The following AFF3 variants were observed in gnomAD, a reference collection of about 807,000 sequenced individuals.
AFF3 encodes ALF transcription elongation factor 3, also known as AF4/FMR2 family member 3.
AFF3 carries 32 observed loss-of-function variants against 129.7 expected under a neutral mutation model. The ratio of observed to expected loss-of-function variants is 0.25; its 90% confidence interval spans 0.19 to 0.33. The LOEUF is 0.33. AFF3 is among the 10% of genes least tolerant of loss of function. The pLI, the probability that AFF3 is intolerant of heterozygous loss-of-function variation, is 1.00. For synonymous variants in AFF3, 644 were observed against 635.4 expected (o/e 1.01, Z -0.20); for missense variants, 1,373 against 1,592.0 (o/e 0.86, Z 2.34).
chr2:100,011,396 G>C, intron 4 of AFF3: 1 of 767,954 alleles, frequency 1.3e-6, no homozygotes, highest in Non-Finnish European at 2.4e-6. Flanking sequence ...ACACAAGACT[G>C]GTGTGATGCA....
At chr2:99,967,380 G>A (rs1307417822) in intron 7 of AFF3, among the ~76,000 whole-genome samples, 2 of 151,494 alleles carry the variant, frequency 1.3e-5, no homozygotes, top group Non-Finnish European at 2.9e-5. Flanking sequence ...GGCTTCCAAT[G>A]CCTGCCTGAC....
intron 11 of AFF3, among the ~76,000 whole-genome samples, chr2:99,681,249 A>G (rs1254980157): frequency 6.6e-6 from 1 of 152,198 alleles, no homozygotes; most frequent in Non-Finnish European, 1.5e-5. Context: ...TAGTTTGTTC[A>G]TTAATATAAG....
intron 7 of AFF3, among the ~76,000 whole-genome samples, chr2:99,868,524 A>G (rs1576231328): frequency 2.0e-5 from 3 of 152,240 alleles, no homozygotes; most frequent in Middle Eastern, 3.4e-3. Context: ...TCTTGCTATA[A>G]AAGTTCTGGA....
Position 99,554,706 on chromosome 2 carries a change from T to C in AFF3, c.3312A>G (p.Pro1104=). The C allele has an allele frequency of 5.6e-6, 9 of 1,614,144 alleles. No individual in the cohort carries two copies. The highest frequency in any genetic ancestry group is 7.6e-6 in the Non-Finnish European group (9 of 1,180,010). ...FKNSSKAAQA[P]SPWGASGKST... ...ACTTTCCACTGGCCCCCCACGGAGA[T>C]GGGGCTTGGGCGGCTTTAGATGAGT... Residue 1104 remains proline, a synonymous_variant, in exon 23 of 25, where the codon CCA becomes CCG. Transcript: ENST00000672756.
At chr2:99,703,163 T>C (rs1413591412) in intron 11 of AFF3, among the ~76,000 whole-genome samples, 2 of 152,218 alleles carry the variant, frequency 1.3e-5, no homozygotes, top group Admixed American at 1.3e-4. Flanking sequence ...GCTGTGTTCC[T>C]TCTGAGGCCT....
At chr2:99,555,641 T>C (rs1277680455) in intron 22 of AFF3, among the ~76,000 whole-genome samples, 1 of 152,236 alleles carries the variant, frequency 6.6e-6, no homozygotes, top group African/African-American at 2.4e-5. Flanking sequence ...TTCATAGGAC[T>C]GTTAAGGGAG....
At chr2:99,847,008 C>T (rs1411264029) in intron 7 of AFF3, among the ~76,000 whole-genome samples, 1 of 152,108 alleles carries the variant, frequency 6.6e-6, no homozygotes, top group Non-Finnish European at 1.5e-5. Flanking sequence ...TCAGCCAGAG[C>T]ACAGGAGAGA....
chr2:99,757,853 C>T (rs538976754), intron 8 of AFF3, among the ~76,000 whole-genome samples: 1 of 152,338 alleles, frequency 6.6e-6, no homozygotes, highest in South Asian at 2.1e-4. Flanking sequence ...TTTGGCCAAA[C>T]CAAGCCACCG....
At chr2:99,841,429 G>A (rs1235909413) in intron 7 of AFF3, among the ~76,000 whole-genome samples, 1 of 152,210 alleles carries the variant, frequency 6.6e-6, no homozygotes, top group Non-Finnish European at 1.5e-5. Context: ...CCTTTGTAAA[G>A]CTAAGGAGGC....
chr2:99,798,830 C>T (rs1007596345), intron 8 of AFF3, among the ~76,000 whole-genome samples: 1 of 151,940 alleles, frequency 6.6e-6, no homozygotes, highest in Admixed American at 6.6e-5. Context: ...GAGAAATAGA[C>T]AGTCCCTTAA....
At chr2:100,014,139 C>T (rs1158172652) in intron 4 of AFF3, among the ~76,000 whole-genome samples, 1 of 150,952 alleles carries the variant, frequency 6.6e-6, no homozygotes. Flanking sequence ...GCACTCGCTC[C>T]AAGCAAACTG....
chr2:99,660,282 A>C (rs900076176), intron 12 of AFF3, among the ~76,000 whole-genome samples: 1 of 152,198 alleles, frequency 6.6e-6, no homozygotes, highest in Non-Finnish European at 1.5e-5. Context: ...ATAACACAAA[A>C]TGTTTTGGTA....
At chr2:99,578,583 T>C in intron 17 of AFF3, 132 bp from the exon 18 acceptor site, 3 of 1,360,718 alleles carry the variant, frequency 2.2e-6, no homozygotes, top group Non-Finnish European at 3.0e-6. Context: ...GAATTGATGG[T>C]GATTTTGTCT....
rs1164486026 is a variant in AFF3 at position 99,547,458 on chromosome 2, G to A, written c.*4016C>T. ...AATAGGAAATCACACGCAGATTACT[G>A]GGTCTGAAGAGTGTCTACATTGTTA... On this transcript the variant is annotated 3_prime_UTR_variant, in exon 25 of 25. Transcript: ENST00000672756. The A allele has an allele frequency of 4.7e-6, 1 of 213,196 alleles. No individual in the cohort carries two copies. Among genetic ancestry groups the A allele is most frequent in the Non-Finnish European group, 9.5e-6 (1 of 105,502 alleles). 13.2% of individuals were successfully genotyped at this position (213,196 alleles called of 1,614,324 possible). A position where few individuals can be genotyped will look rare whatever the true frequency, so the allele number is the denominator to read the frequency against.
chr2:99,698,373 C>T (rs1215998727), intron 11 of AFF3, among the ~76,000 whole-genome samples: 1 of 152,180 alleles, frequency 6.6e-6, no homozygotes, highest in Non-Finnish European at 1.5e-5. Context: ...CTTAGGCTGT[C>T]CAGCATTGGG....
Position 99,551,512 on chromosome 2 carries a change from C to T in AFF3, c.3643G>A (p.Gly1215Ser). 6.2e-7 allele frequency: 1 copy of T among 1,614,086 alleles called. No individual in the cohort carries two copies. Among genetic ancestry groups the T allele is most frequent in the Non-Finnish European group, 8.5e-7 (1 of 1,180,020 alleles). ...MEHLVQYSQQGLHWLRNSAHL... is the reference protein window; with the variant it reads ...MEHLVQYSQQSLHWLRNSAHL... ...GCGCTGTTCCGCAGCCAGTGCAGGC[C>T]CTGTTGGGAGTACTGGACCAGGTGC... is the stretch of plus-strand genomic sequence containing the variant. Residue 1215 changes from glycine (G) to serine (S), a missense_variant, in exon 25 of 25, where the codon GGC (glycine) becomes AGC (serine). Physicochemically the swap from Gly to Ser is moderately conservative, Grantham distance 56. Coordinates refer to ENST00000672756, the MANE Select transcript of AFF3 (RefSeq NM_001386135.1).
intron 24 of AFF3, 71 bp from the exon 25 acceptor site, chr2:99,551,666 G>A (rs1674422950): frequency 6.3e-7 from 1 of 1,581,766 alleles, no homozygotes; most frequent in Non-Finnish European, 8.7e-7. Flanking sequence ...ACTGATGTAA[G>A]GAAAAATTCC....
At chr2:99,760,205 G>A (rs921257866) in intron 8 of AFF3, among the ~76,000 whole-genome samples, 1 of 152,098 alleles carries the variant, frequency 6.6e-6, no homozygotes, top group South Asian at 2.1e-4. Flanking sequence ...GAGAATATAT[G>A]GGGAAGAGTT....
At position 99,554,544 on chromosome 2, in the gene AFF3, G is replaced by C; in HGVS notation, c.3336-10C>G. 2.5e-6 allele frequency: 4 copies of C among 1,611,160 alleles called. No homozygotes were observed. Among genetic ancestry groups the C allele is most frequent in the Non-Finnish European group, 3.4e-6 (4 of 1,178,488 alleles). ...TGGGGTTCCAGTGCTCCTGGAAGGG[G>C]AGAGGTAGAAAAACCAGAGTGGCGA... On this transcript the variant is annotated splice_polypyrimidine_tract_variant and intron_variant, in intron 23 of 24. Coordinates refer to ENST00000672756, the MANE Select transcript of AFF3 (RefSeq NM_001386135.1).
Sources: gnomAD v4.1 joint callset for allele counts (sites outside exome capture counted in the v4.1 genomes callset) on GRCh38, gnomAD v4.1.1 for gene constraint, MANE v1.5 for transcripts, NCBI Gene and HGNC (gene_info 2026-07-23, HGNC 2026-07-21) for gene names.